The following GLS variants were observed in gnomAD, a reference collection of about 807,000 sequenced individuals.
GLS encodes glutaminase.
Under a neutral mutation model 86.7 loss-of-function variants are expected in GLS, and 36 were observed. The observed-to-expected ratio is 0.42, with a 90% CI of 0.32 to 0.55. The LOEUF is 0.55. Ranked by LOEUF, GLS falls within the 20% of genes least tolerant of loss-of-function variation. The probability of loss-of-function intolerance (pLI) is 0.17; values close to 1 mark genes in which losing one functional copy is unlikely to be tolerated. For missense variants in GLS, 528 were observed against 833.4 expected (o/e 0.63, Z 4.51); for synonymous variants, 317 against 305.9 (o/e 1.04, Z -0.38).
In GLS at chr2:190,958,208, C is replaced by T. The variant is rs1472894502; in HGVS notation, c.1853+3390C>T. On this transcript the variant is annotated intron_variant, in intron 17 of 17. Transcript: ENST00000320717. ...AATTTATCAATTTCTTCTAGATTTT[C>T]TAGTTTATTTGCATAGAGGTGTTTA... Among the ~76,000 whole-genome samples, 3 of 152,168 alleles carry T rather than the reference C, an allele frequency of 2.0e-5. No homozygotes were observed. The East Asian group carries it at 5.8e-4, about 29-fold the overall frequency.
rs201068731 is a variant in GLS at position 190,902,044 on chromosome 2, T to G, written c.815+18T>G. On this transcript the variant is annotated intron_variant, in intron 5 of 17. Coordinates refer to ENST00000320717, the MANE Select transcript of GLS (RefSeq NM_014905.5). Reference sequence around the variant, plus strand: ...GGACAGAGGTAAGTTTATTTCAAATTCATGAAAACCAACTCTAAGCCTTAA... The same window carrying G: ...GGACAGAGGTAAGTTTATTTCAAATGCATGAAAACCAACTCTAAGCCTTAA... 4.0e-5 allele frequency: 58 copies of G among 1,460,214 alleles called. No individual in the cohort carries two copies. The East Asian group carries it at 1.3e-3, about 33-fold the overall frequency. The allele number at this position is 1,460,214 out of a possible 1,614,324, so 90.5% of individuals were successfully genotyped here.
intron 14 of GLS, chr2:190,934,269 G>C: frequency 1.0e-6 from 1 of 956,884 alleles, no homozygotes; most frequent in Non-Finnish European, 1.2e-6. Flanking sequence ...TTAGATACTA[G>C]TGCAAATAAA....
chr2:190,910,089 G>C (rs187306844), intron 6 of GLS, among the ~76,000 whole-genome samples, 174 bp from the exon 7 acceptor site: 1 of 152,142 alleles, frequency 6.6e-6, no homozygotes, highest in African/African-American at 2.4e-5. Context: ...TCACTTGTTT[G>C]TGTTTTGAAA....
intron 14 of GLS, among the ~76,000 whole-genome samples, chr2:190,944,755 T>TC (rs1553487931): frequency 3.3e-5 from 5 of 152,340 alleles, no homozygotes; most frequent in African/African-American, 1.2e-4. Context: ...GTAACAGTCA[T>TC]ATTTGCTTTT....
chr2:190,915,845 A>G (rs1689514688), intron 7 of GLS, among the ~76,000 whole-genome samples: 1 of 152,180 alleles, frequency 6.6e-6, no homozygotes, highest in South Asian at 2.1e-4. Flanking sequence ...CCTGTTATAT[A>G]CTAGGTTGTT....
intron 6 of GLS, among the ~76,000 whole-genome samples, chr2:190,907,953 G>A (rs1209424195): frequency 6.6e-6 from 1 of 152,138 alleles, no homozygotes; most frequent in Non-Finnish European, 1.5e-5. Flanking sequence ...TATGTGTGGA[G>A]GATTGAGAAA....
intron 17 of GLS, among the ~76,000 whole-genome samples, chr2:190,961,969 TAGAG>T (rs1264149217): frequency 6.6e-6 from 1 of 152,008 alleles, no homozygotes; most frequent in South Asian, 2.1e-4. Flanking sequence ...GTAATGTAAG[TAGAG>T]AGAGAGATTG....
intron 7 of GLS, 152 bp downstream of exon 7, chr2:190,910,473 T>A (rs1689318435): frequency 2.1e-6 from 1 of 487,746 alleles, no homozygotes; most frequent in Admixed American, 3.7e-5. Flanking sequence ...TTAGGATCTT[T>A]ATTTCAAAAT....
Position 190,924,682 on chromosome 2 carries a change from C to T in GLS, c.1248+89C>T. On this transcript the variant is annotated intron_variant, in intron 11 of 17. Coordinates refer to ENST00000320717, the MANE Select transcript of GLS (RefSeq NM_014905.5). The surrounding 1 kb of genome is among the most constrained non-coding windows in gnomAD (Gnocchi z 5.2). ...CTGTAATCCCAGCACTTTGGGAGGC[C>T]AGGGCAGGTGGATCATGAGGTCAAG... 1 of 742,040 alleles carries T rather than the reference C, an allele frequency of 1.3e-6. No homozygotes were observed. The highest frequency in any genetic ancestry group is 2.5e-6 in the Non-Finnish European group (1 of 406,828). 46.0% of individuals were successfully genotyped at this position (742,040 alleles called of 1,614,324 possible).
chr2:190,932,855 A>G, intron 14 of GLS: 1 of 1,520,990 alleles, frequency 6.6e-7, no homozygotes, highest in Non-Finnish European at 8.8e-7. Flanking sequence ...CTGGGAGAGA[A>G]AAGCTAAAGA....
Position 190,962,166 on chromosome 2 carries a change from A to G in GLS, c.1854-664A>G, listed in dbSNP as rs759915648. On this transcript the variant is annotated intron_variant, in intron 17 of 17. Coordinates refer to ENST00000320717, the MANE Select transcript of GLS (RefSeq NM_014905.5). This position sits in a 1 kb window ranked among gnomAD's most constrained non-coding sequence, Gnocchi z 4.2. ...TTCTTATCCTTGAATATTCATCTAC[A>G]TCACTCTAAACAGCACAGCCCCAGA... Among the ~76,000 whole-genome samples, 4 of 152,160 alleles carry G rather than the reference A, an allele frequency of 2.6e-5. No individual in the cohort carries two copies. The highest frequency in any genetic ancestry group is 7.2e-5 in the African/African-American group (3 of 41,440).
chr2:190,959,034 C>T (rs901947189), intron 17 of GLS, among the ~76,000 whole-genome samples: 1 of 152,026 alleles, frequency 6.6e-6, no homozygotes, highest in Non-Finnish European at 1.5e-5. Context: ...AAGTCTCCCA[C>T]TATTATTGTG....
rs1443291988 is a variant in GLS, at chr2:190,956,281, CTTGAG to C, written c.1853+1466_1853+1470del. On this transcript the variant is annotated intron_variant, in intron 17 of 17. Coordinates refer to ENST00000320717, the MANE Select transcript of GLS (RefSeq NM_014905.5). This position sits in a 1 kb window ranked among gnomAD's most constrained non-coding sequence, Gnocchi z 4.2. ...TCTTATGTTTAAGTCTTTAATCCAT[CTTGAG>C]TTAATTTTTGTATAAGGTGAAAGGA... 6.6e-6 allele frequency among the ~76,000 whole-genome samples: 1 copy of C among 152,244 alleles called. No homozygotes were observed. Among genetic ancestry groups the C allele is most frequent in the Admixed American group, 6.5e-5 (1 of 15,304 alleles).
At position 190,930,258 on chromosome 2, in the gene GLS, G is replaced by A. The variant is rs1690064260; in HGVS notation, c.1426-179G>A. Among the ~76,000 whole-genome samples the A allele has an allele frequency of 6.6e-6, 1 of 151,880 alleles. No homozygotes were observed. Among genetic ancestry groups the A allele is most frequent in the African/African-American group, 2.4e-5 (1 of 41,348 alleles). ...TTTTTTGTAGAGACGAGATCTCCCT[G>A]TGTTACCCAGCCTAGCCTCCAACTC... On this transcript the variant is annotated intron_variant, in intron 12 of 17. Coordinates refer to ENST00000320717, the MANE Select transcript of GLS (RefSeq NM_014905.5). This position sits in a 1 kb window ranked among gnomAD's most constrained non-coding sequence, Gnocchi z 5.0.
intron 1 of GLS, among the ~76,000 whole-genome samples, chr2:190,886,862 G>A (rs1230315434): frequency 6.7e-6 from 1 of 150,228 alleles, no homozygotes; most frequent in Non-Finnish European, 1.5e-5. Context: ...GTTGCAGTGA[G>A]CCGAGATCAT....
chr2:190,954,974 T>G lies in GLS; in HGVS notation c.1853+156T>G, dbSNP rs1032952184. On this transcript the variant is annotated intron_variant, in intron 17 of 17. Coordinates refer to ENST00000320717, the MANE Select transcript of GLS (RefSeq NM_014905.5). This position sits in a 1 kb window ranked among gnomAD's most constrained non-coding sequence, Gnocchi z 4.0. ...ACCTTGTTTCTACTAGATAGGTAAT[T>G]CTGTCTCCCATATCCTGTTTCTTAT... 6.6e-6 allele frequency among the ~76,000 whole-genome samples: 1 copy of G among 152,222 alleles called. No homozygotes were observed. Among genetic ancestry groups the G allele is most frequent in the Non-Finnish European group, 1.5e-5 (1 of 68,044 alleles).
intron 14 of GLS, among the ~76,000 whole-genome samples, chr2:190,936,057 T>A (rs1387637249): frequency 6.6e-6 from 1 of 151,288 alleles, no homozygotes; most frequent in Non-Finnish European, 1.5e-5. Flanking sequence ...TTTGTATTAA[T>A]CTGTGGGATT....
At chr2:190,917,230 T>C (rs1689566629) in intron 7 of GLS, among the ~76,000 whole-genome samples, 1 of 152,252 alleles carries the variant, frequency 6.6e-6, no homozygotes, top group South Asian at 2.1e-4. Flanking sequence ...TGTATTTCAA[T>C]GATCTTCAGA....
intron 7 of GLS, among the ~76,000 whole-genome samples, chr2:190,916,817 T>C (rs947282765): frequency 6.6e-6 from 1 of 152,190 alleles, no homozygotes; most frequent in African/African-American, 2.4e-5. Flanking sequence ...GTTGTGTTTA[T>C]ACTATAGTAA....
Sources: allele counts gnomAD v4.1 joint callset (sites outside exome capture counted in the v4.1 genomes callset), GRCh38; gene constraint gnomAD v4.1.1; non-coding constraint Gnocchi (gnomAD v3.1); transcripts MANE v1.5; gene names NCBI Gene and HGNC (gene_info 2026-07-23, HGNC 2026-07-21).